TRPM3: variants seen among roughly 807,000 people sequenced by gnomAD.
TRPM3 encodes transient receptor potential cation channel subfamily M member 3, also known as long transient receptor potential channel 3.
In TRPM3, 77 loss-of-function variants were observed where a neutral mutation model predicts 181.2. The observed-to-expected ratio is 0.42, with a 90% CI of 0.35 to 0.51. TRPM3 has a LOEUF of 0.51. Ranked by LOEUF, TRPM3 falls within the 20% of genes least tolerant of loss-of-function variation. The pLI is 0.01. For synonymous variants in TRPM3, 745 were observed against 796.4 expected (o/e 0.94, Z 1.09); for missense variants, 1,759 against 2,196.7 (o/e 0.80, Z 3.98).
chr9:71,095,780 A>C lies in TRPM3; in HGVS notation c.177+25398T>G, dbSNP rs191379046. Among the ~76,000 whole-genome samples, 845 of 144,582 alleles carry C rather than the reference A, an allele frequency of 5.8e-3. 2 individuals are homozygous for C. The highest frequency in any genetic ancestry group is 8.9e-3 in the Non-Finnish European group (586 of 65,604). 94.9% of individuals were successfully genotyped at this position (144,582 alleles called of 152,430 possible). A position where few individuals can be genotyped will look rare whatever the true frequency, so the allele number is the denominator to read the frequency against. Reference sequence around the variant, plus strand: ...TGTCAAAAAAAAAAAAAAAAAAAAGAAAGAAAGAAAAGAAAAAAGAGAGAA... The same window carrying C: ...TGTCAAAAAAAAAAAAAAAAAAAAGCAAGAAAGAAAAGAAAAAAGAGAGAA... On this transcript the variant is annotated intron_variant, in intron 1 of 25. Coordinates refer to ENST00000677713, the MANE Select transcript of TRPM3 (RefSeq NM_001366145.2).
At chr9:71,210,296 G>C (rs1275978372) in intron 1 of TRPM3, among the ~76,000 whole-genome samples, 1 of 152,154 alleles carries the variant, frequency 6.6e-6, no homozygotes, top group Non-Finnish European at 1.5e-5. Context: ...CTAGTTGCAG[G>C]AAAACAAGCT....
At chr9:71,052,659 C>A (rs559930868) in intron 1 of TRPM3, among the ~76,000 whole-genome samples, 58 of 152,018 alleles carry the variant, frequency 3.8e-4, no homozygotes, top group Non-Finnish European at 6.2e-4. Context: ...TTCAAACAAA[C>A]CAGATAACCA....
intron 1 of TRPM3, among the ~76,000 whole-genome samples, chr9:71,308,994 T>G (rs1026546121): frequency 1.3e-5 from 2 of 152,166 alleles, no homozygotes; most frequent in African/African-American, 4.8e-5. Context: ...ATCCTGCCCT[T>G]GTCTGGTCAA....
chr9:71,407,349 C>G (rs1291038696), intron 1 of TRPM3, among the ~76,000 whole-genome samples: 1 of 152,132 alleles, frequency 6.6e-6, no homozygotes, highest in Non-Finnish European at 1.5e-5. Flanking sequence ...CAGCTGGTAC[C>G]TGGAAAACCA....
At chr9:71,346,391 T>A (rs1304387740) in intron 1 of TRPM3, among the ~76,000 whole-genome samples, 1 of 152,204 alleles carries the variant, frequency 6.6e-6, no homozygotes, top group Non-Finnish European at 1.5e-5. Flanking sequence ...TTTAGGAGTT[T>A]GCTGCTTCTA....
intron 1 of TRPM3, among the ~76,000 whole-genome samples, chr9:71,375,823 T>C (rs2092652456): frequency 6.6e-6 from 1 of 152,152 alleles, no homozygotes; most frequent in Non-Finnish European, 1.5e-5. Context: ...CTCAGATTGT[T>C]AGCATTTTTT....
In TRPM3 at chr9:71,378,709, G is replaced by T. The variant is rs577352599; in HGVS notation, c.183+67944C>A. Among the ~76,000 whole-genome samples the T allele has an allele frequency of 2.0e-5, 3 of 152,046 alleles. No homozygotes were observed. The South Asian group carries it at 6.2e-4, about 32-fold the overall frequency. ...TCAAATTGTCAAAACATTTGATTTT[G>T]AACAATGCCTTTGAGTTAATACCTT... On this transcript the variant is annotated intron_variant, in intron 1 of 24. Transcript: ENST00000357533.
intron 1 of TRPM3, among the ~76,000 whole-genome samples, chr9:70,997,487 G>T (rs777678566): frequency 6.6e-6 from 1 of 152,134 alleles, no homozygotes; most frequent in Non-Finnish European, 1.5e-5. Flanking sequence ...GAGCCACCGC[G>T]CCCGGCCCTA....
intron 1 of TRPM3, among the ~76,000 whole-genome samples, chr9:71,144,413 C>G (rs1434729047): frequency 1.3e-5 from 2 of 152,194 alleles, no homozygotes; most frequent in Non-Finnish European, 2.9e-5. Flanking sequence ...ATTCTTTTCT[C>G]TTTCCTTCTT....
chr9:70,989,480 A>G (rs989192159), intron 1 of TRPM3, among the ~76,000 whole-genome samples: 1 of 152,168 alleles, frequency 6.6e-6, no homozygotes, highest in Non-Finnish European at 1.5e-5. Flanking sequence ...AACTTGGTGA[A>G]ACAGCAAGCC....
Position 70,529,280 on chromosome 9 carries a change from G to T in TRPM3, c.*6673C>A, listed in dbSNP as rs181680689. The T allele has an allele frequency of 1.3e-5, 2 of 152,182 alleles. No individual in the cohort carries two copies. Among genetic ancestry groups the T allele is most frequent in the Admixed American group, 1.3e-4 (2 of 15,292 alleles). The allele number at this position is 152,182 out of a possible 1,614,324, so 9.4% of individuals were successfully genotyped here. A position where few individuals can be genotyped will look rare whatever the true frequency, so the allele number is the denominator to read the frequency against. On this transcript the variant is annotated 3_prime_UTR_variant, in exon 26 of 26. Transcript: ENST00000677713. Reference sequence around the variant, plus strand: ...AGTGTCGATAGATATGCATACCGTGGTCCATCCATACACAAAGAAGGAAAA... The same window carrying T: ...AGTGTCGATAGATATGCATACCGTGTTCCATCCATACACAAAGAAGGAAAA...
chr9:70,649,507 A>T (rs1454908057), intron 9 of TRPM3, among the ~76,000 whole-genome samples: 2 of 152,148 alleles, frequency 1.3e-5, no homozygotes, highest in Non-Finnish European at 2.9e-5. Context: ...ACTTCTTAAA[A>T]GAAGTGTATA....
intron 1 of TRPM3, among the ~76,000 whole-genome samples, chr9:71,363,508 G>A (rs1346284667): frequency 2.0e-5 from 3 of 152,152 alleles, no homozygotes; most frequent in African/African-American, 7.2e-5. Context: ...TGAATTATAT[G>A]TTGTTTTATT....
intron 1 of TRPM3, among the ~76,000 whole-genome samples, chr9:71,110,321 G>A (rs2070781778): frequency 6.6e-6 from 1 of 152,144 alleles, no homozygotes; most frequent in East Asian, 1.9e-4. Flanking sequence ...GCTAAAAATA[G>A]TTCTTACATT....
intron 1 of TRPM3, among the ~76,000 whole-genome samples, chr9:71,068,011 C>T (rs962755065): frequency 2.6e-5 from 4 of 152,166 alleles, no homozygotes; most frequent in Non-Finnish European, 5.9e-5. Context: ...CCACTGACAC[C>T]TGGAAGCCAT....
chr9:70,616,764 G>A (rs1414163441), intron 17 of TRPM3, among the ~76,000 whole-genome samples: 5 of 152,070 alleles, frequency 3.3e-5, no homozygotes, highest in Admixed American at 1.3e-4. Context: ...CAAGCCCCAG[G>A]AGAAGCCAGC....
At chr9:71,172,736 T>G (rs1346806452) in intron 1 of TRPM3, among the ~76,000 whole-genome samples, 2 of 152,164 alleles carry the variant, frequency 1.3e-5, no homozygotes, top group Non-Finnish European at 2.9e-5. Context: ...TTACTGAACA[T>G]GCTATGCGTT....
chr9:70,598,757 T>G, intron 20 of TRPM3, 87 bp from the exon 21 acceptor site: 2 of 1,489,854 alleles, frequency 1.3e-6, no homozygotes, highest in Non-Finnish European at 9.1e-7. Context: ...TGTTGGCTGA[T>G]GTTAGTAGCT....
chr9:71,359,026 G>A (rs550265108), intron 1 of TRPM3, among the ~76,000 whole-genome samples: 6 of 152,296 alleles, frequency 3.9e-5, no homozygotes, highest in African/African-American at 1.4e-4. Flanking sequence ...TTCTTTTGAT[G>A]ATATAGTGCC....
Sources: gnomAD v4.1 joint callset for allele counts (sites outside exome capture counted in the v4.1 genomes callset) on GRCh38, gnomAD v4.1.1 for gene constraint, MANE v1.5 for transcripts, NCBI Gene and HGNC (gene_info 2026-07-23, HGNC 2026-07-21) for gene names.